Variants in CNTNAP2 observed in about 807,000 individuals in gnomAD.
CNTNAP2 encodes contactin associated protein 2, also known as contactin-associated protein-like 2.
A neutral mutation model predicts 155.2 loss-of-function variants in CNTNAP2; 98 were observed. That is an observed-to-expected ratio of 0.63 (90% confidence interval 0.54 to 0.75). CNTNAP2 has a LOEUF of 0.75. Ranked by LOEUF, CNTNAP2 falls within the 30% of genes least tolerant of loss-of-function variation. The pLI is 0.00. For missense variants in CNTNAP2, 1,727 were observed against 1,688.1 expected, an observed-to-expected ratio of 1.02 and a Z score of -0.40; for synonymous variants, 651 against 631.2, an observed-to-expected ratio of 1.03 and a Z score of -0.47.
intron 4 of CNTNAP2, among the ~76,000 whole-genome samples, chr7:147,103,304 G>A (rs1800691981): frequency 6.6e-6 from 1 of 152,136 alleles, no homozygotes; most frequent in African/African-American, 2.4e-5. Context: ...TGCGTGAATA[G>A]AGAGGAGGTA....
chr7:148,322,031 C>G (rs927141667), intron 21 of CNTNAP2, among the ~76,000 whole-genome samples: 2 of 151,714 alleles, frequency 1.3e-5, no homozygotes, highest in Non-Finnish European at 2.9e-5. Context: ...AGCACCCGTC[C>G]CCCTCCCCCA....
intron 1 of CNTNAP2, among the ~76,000 whole-genome samples, chr7:146,476,880 A>G (rs2129127722): frequency 6.6e-6 from 1 of 152,340 alleles, no homozygotes; most frequent in East Asian, 1.9e-4. Context: ...TCTAGCAACT[A>G]TGGCTACGCA....
chr7:147,174,147 A>G (rs912182946), intron 8 of CNTNAP2, among the ~76,000 whole-genome samples: 1 of 152,084 alleles, frequency 6.6e-6, no homozygotes, highest in South Asian at 2.1e-4. Context: ...TAGCAGCATT[A>G]TACTGTAGTT....
chr7:146,930,499 G>A lies in CNTNAP2; in HGVS notation c.402+90595G>A, dbSNP rs566077840. ...CTGCAAAATCATACCAAATTGTAAA[G>A]ACCATCGATGCTAGGAAGAAACTGC... On this transcript the variant is annotated intron_variant, in intron 3 of 23. Coordinates refer to ENST00000361727, the MANE Select transcript of CNTNAP2 (RefSeq NM_014141.6). Among the ~76,000 whole-genome samples the A allele has an allele frequency of 4.4e-3, 667 of 152,304 alleles. 8 individuals are homozygous for A. The highest frequency in any genetic ancestry group is 5.7e-3 in the Non-Finnish European group (386 of 68,036).
chr7:147,187,400 G>A (rs993761277), intron 8 of CNTNAP2, among the ~76,000 whole-genome samples: 5 of 152,072 alleles, frequency 3.3e-5, no homozygotes, highest in African/African-American at 1.2e-4. Flanking sequence ...AAGAAAATAT[G>A]GTCACAAATA....
chr7:147,615,699 A>G (rs2116884346), intron 12 of CNTNAP2, among the ~76,000 whole-genome samples: 1 of 152,242 alleles, frequency 6.6e-6, no homozygotes, highest in Non-Finnish European at 1.5e-5. Context: ...CTTGAAAGAA[A>G]AATCGTTTTT....
chr7:147,627,216 G>C (rs981347606), intron 12 of CNTNAP2, among the ~76,000 whole-genome samples: 118 of 152,262 alleles, frequency 7.7e-4, no homozygotes, highest in African/African-American at 2.6e-3. Context: ...ACGCAAACGA[G>C]AAGGAACCAG....
chr7:148,375,873 C>T (rs188249283), intron 21 of CNTNAP2, among the ~76,000 whole-genome samples: 1,211 of 30,468 alleles, frequency 0.04, 409 homozygotes, highest in Middle Eastern at 0.14. Context: ...TGGTGGCGGG[C>T]GCCTGTAATC....
chr7:146,703,616 G>A (rs1449642995), intron 1 of CNTNAP2, among the ~76,000 whole-genome samples: 3 of 152,100 alleles, frequency 2.0e-5, no homozygotes, highest in African/African-American at 7.2e-5. Context: ...CAGATCTGGG[G>A]CCTGGTGAGG....
chr7:148,276,237 A>G (rs1796868400), intron 21 of CNTNAP2, among the ~76,000 whole-genome samples: 1 of 152,124 alleles, frequency 6.6e-6, no homozygotes, highest in African/African-American at 2.4e-5. Context: ...GCAGAATTCG[A>G]TTTGAATATA....
chr7:147,807,024 A>G (rs1243080367), intron 13 of CNTNAP2, among the ~76,000 whole-genome samples: 1 of 152,164 alleles, frequency 6.6e-6, no homozygotes, highest in Non-Finnish European at 1.5e-5. Flanking sequence ...AACACAAATT[A>G]TATATGGCTG....
chr7:147,278,714 G>A (rs10238730), intron 8 of CNTNAP2, among the ~76,000 whole-genome samples: 71,311 of 150,978 alleles, frequency 0.47, 17,491 homozygotes, highest in East Asian at 0.71. Flanking sequence ...AAATAAAAGC[G>A]TGATAATTGT....
At chr7:148,344,964 G>A (rs761774923) in intron 21 of CNTNAP2, among the ~76,000 whole-genome samples, 2 of 152,172 alleles carry the variant, frequency 1.3e-5, no homozygotes, top group Non-Finnish European at 2.9e-5. Flanking sequence ...TGAGCTGGGC[G>A]ACTCTAGGGC....
At chr7:147,515,644 C>A (rs1370406096) in intron 11 of CNTNAP2, among the ~76,000 whole-genome samples, 1 of 152,048 alleles carries the variant, frequency 6.6e-6, no homozygotes, top group Non-Finnish European at 1.5e-5. Context: ...TATACTGCAT[C>A]TTTTGCTTAT....
intron 1 of CNTNAP2, among the ~76,000 whole-genome samples, chr7:146,188,633 T>G (rs903982175): frequency 6.6e-6 from 1 of 152,200 alleles, no homozygotes; most frequent in African/African-American, 2.4e-5. Context: ...AATATGTCAT[T>G]TCAGGTGATT....
At chr7:147,643,177 T>A (rs575940219) in intron 13 of CNTNAP2, among the ~76,000 whole-genome samples, 1 of 152,332 alleles carries the variant, frequency 6.6e-6, no homozygotes, top group Admixed American at 6.5e-5. Flanking sequence ...AAGGTGTTAG[T>A]CCTTCATGTG....
rs1467438783 is a variant in CNTNAP2 at position 148,416,910 on chromosome 7, A to ACCCAGTTAT, written c.*1295_*1303dup. ...CCTCTTAGTTTAATCTGAAATCTTG[A>ACCCAGTTAT]CCCAGTTATTTAACAAATAAATACC... is the stretch of plus-strand genomic sequence containing the variant. On this transcript the variant is annotated 3_prime_UTR_variant, in exon 24 of 24. Transcript: ENST00000361727. The ACCCAGTTAT allele has an allele frequency of 4.6e-5, 7 of 152,592 alleles. No individual in the cohort carries two copies. The East Asian group carries it at 1.3e-3, about 29-fold the overall frequency. The allele number at this position is 152,592 out of a possible 1,614,324, so 9.5% of individuals were successfully genotyped here. A position where few individuals can be genotyped will look rare whatever the true frequency, so the allele number is the denominator to read the frequency against.
At chr7:147,746,517 T>C (rs1797044944) in intron 13 of CNTNAP2, among the ~76,000 whole-genome samples, 1 of 152,068 alleles carries the variant, frequency 6.6e-6, no homozygotes, top group African/African-American at 2.4e-5. Flanking sequence ...CTGCTACCTT[T>C]CTCCCTTCTA....
intron 21 of CNTNAP2, among the ~76,000 whole-genome samples, chr7:148,383,192 T>C (rs1222418199): frequency 1.3e-5 from 2 of 148,958 alleles, no homozygotes; most frequent in East Asian, 1.9e-4. Flanking sequence ...CTTGTTCTTT[T>C]TTTTTTTTTT....
Sources: allele counts gnomAD v4.1 joint callset (sites outside exome capture counted in the v4.1 genomes callset), GRCh38; gene constraint gnomAD v4.1.1; transcripts MANE v1.5; gene names NCBI Gene and HGNC (gene_info 2026-07-23, HGNC 2026-07-21).